Variants in PCNT observed in about 807,000 individuals in gnomAD.
PCNT encodes kendrin.
In PCNT, 319 loss-of-function variants were observed where a neutral mutation model predicts 380.4. That is an observed-to-expected ratio of 0.84 (90% CI 0.77 to 0.92). The LOEUF is 0.92. Ranked by LOEUF, PCNT falls within the 40% of genes least tolerant of loss-of-function variation. The pLI is 0.00. For synonymous variants in PCNT, 1,845 were observed against 1,735.2 expected (o/e 1.06, Z -1.57); for missense variants, 4,400 against 4,255.3 (o/e 1.03, Z -0.95).
chr21:46,325,187 C>CG, intron 1 of PCNT: 1 of 985,732 alleles, frequency 1.0e-6, no homozygotes, highest in Non-Finnish European at 1.2e-6. Context: ...GGCGGAACCG[C>CG]GGGAGCAGGC....
At chr21:46,346,671 T>G in intron 4 of PCNT, 72 bp from the exon 5 acceptor site, 2 of 1,518,602 alleles carry the variant, frequency 1.3e-6, no homozygotes, top group South Asian at 1.2e-5. Context: ...TTCTCATTCA[T>G]GCTTCTGTGT....
intron 16 of PCNT, among the ~76,000 whole-genome samples, chr21:46,382,844 T>G (rs2085625646): frequency 7.5e-6 from 1 of 133,590 alleles, no homozygotes. Context: ...TGTTGTGCGT[T>G]CAGTGGCGGA....
chr21:46,369,335 G>A (rs1432786900), intron 15 of PCNT, among the ~76,000 whole-genome samples: 1 of 152,234 alleles, frequency 6.6e-6, no homozygotes, highest in Non-Finnish European at 1.5e-5. Flanking sequence ...TGGCCTCCCA[G>A]GTAGTTGGAA....
At position 46,401,336 on chromosome 21, in the gene PCNT, C is replaced by T. The variant is rs11701999; in HGVS notation, c.4792-215C>T. Among the ~76,000 whole-genome samples the T allele has an allele frequency of 0.092, 13,958 of 152,174 alleles. 858 individuals are homozygous for T. The highest frequency in any genetic ancestry group is 0.3 in the East Asian group (1,537 of 5,142). ...CAGTGGACTCGGGCACAGGCTGTGG[C>T]TCTCAGTCACGTCCTGCACCAGGCA... On this transcript the variant is annotated intron_variant, in intron 25 of 46. Transcript: ENST00000359568.
At chr21:46,398,587 C>T (rs1366799357) in intron 24 of PCNT, among the ~76,000 whole-genome samples, 2 of 152,220 alleles carry the variant, frequency 1.3e-5, no homozygotes, top group South Asian at 2.1e-4. Context: ...CCCCCACGGA[C>T]CCTCGTGTAC....
chr21:46,351,874 G>T (rs1455882019), intron 9 of PCNT, among the ~76,000 whole-genome samples: 2 of 152,240 alleles, frequency 1.3e-5, no homozygotes, highest in African/African-American at 2.4e-5. Context: ...GTTGAGTGCT[G>T]TCCAAGTGCG....
At chr21:46,347,434 G>A (rs780305342) in intron 5 of PCNT, 23 bp from the exon 6 acceptor site, 6 of 1,613,998 alleles carry the variant, frequency 3.7e-6, no homozygotes, top group Admixed American at 1.7e-5. Context: ...AGTGGCCTGA[G>A]CTGCTTTTTG....
In PCNT at chr21:46,383,785, T is replaced by C. The variant is rs1346547280; in HGVS notation, c.3312+1945T>C. 8.8e-5 allele frequency among the ~76,000 whole-genome samples: 12 copies of C among 136,828 alleles called. 2 individuals are homozygous for C. The highest frequency in any genetic ancestry group is 8.0e-4 in the Admixed American group (11 of 13,668). 89.8% of individuals were successfully genotyped at this position (136,828 alleles called of 152,430 possible). A position where few individuals can be genotyped will look rare whatever the true frequency, so the allele number is the denominator to read the frequency against. On this transcript the variant is annotated intron_variant, in intron 16 of 46. Coordinates refer to ENST00000359568, the MANE Select transcript of PCNT (RefSeq NM_006031.6). ...CAGCGGAAGCGCATTCACGGTGTTG[T>C]GCGTTCAGTGGCAGAAGCGCATTCA...
chr21:46,411,676 C>T lies in PCNT; in HGVS notation c.5603C>T (p.Ala1868Val), dbSNP rs369038814. The T allele has an allele frequency of 1.6e-4, 253 of 1,612,978 alleles. 2 individuals carry two copies. The highest frequency in any genetic ancestry group is 1.2e-4 in the Non-Finnish European group (140 of 1,179,898). The part of the protein sequence containing the change: ...EFEAALKAKE[A>V]TIAERNLEID... ...GAAGCGGCCCTGAAAGCAAAGGAAGCGACGATTGCCGAGAGAAATTTAGAA... is the reference window on the plus strand; with the variant it reads ...GAAGCGGCCCTGAAAGCAAAGGAAGTGACGATTGCCGAGAGAAATTTAGAA... The change falls in exon 28 of 47, where the codon GCG becomes GTG. Residue 1868 changes from alanine (A) to valine (V), a missense_variant. By Grantham distance (64) the Ala-to-Val change is moderately conservative. Transcript: ENST00000359568.
At position 46,436,970 on chromosome 21, in the gene PCNT, T is replaced by C. The variant is rs529504851; in HGVS notation, c.8997-9T>C. ...GTATGCAACTTTGAGTGCCCATTTA[T>C]TTTTACAGGACAGTTAATGATTGGA... On this transcript the variant is annotated splice_polypyrimidine_tract_variant and intron_variant, in intron 39 of 46. Coordinates refer to ENST00000359568, the MANE Select transcript of PCNT (RefSeq NM_006031.6). The C allele has an allele frequency of 1.2e-5, 20 of 1,607,768 alleles. No individual in the cohort carries two copies. Among genetic ancestry groups the C allele is most frequent in the Admixed American group, 1.0e-4 (6 of 60,028 alleles).
At chr21:46,396,629 A>C (rs1158813018) in intron 21 of PCNT, among the ~76,000 whole-genome samples, 1 of 152,154 alleles carries the variant, frequency 6.6e-6, no homozygotes, top group Non-Finnish European at 1.5e-5. Context: ...TATTTGAAGG[A>C]GTCTCACTTT....
chr21:46,353,059 G>A (rs2084333811), intron 9 of PCNT, 45 bp from the exon 10 acceptor site: 2 of 1,509,768 alleles, frequency 1.3e-6, no homozygotes, highest in Non-Finnish European at 1.8e-6. Flanking sequence ...GGCTTGTTGT[G>A]GGTGTCCCAT....
intron 3 of PCNT, among the ~76,000 whole-genome samples, chr21:46,338,254 C>T (rs1374861459): frequency 2.0e-5 from 3 of 152,132 alleles, no homozygotes; most frequent in African/African-American, 4.8e-5. Context: ...CAGTTACCCT[C>T]GAGAACAACC....
chr21:46,409,510 A>G (rs2086718394), intron 27 of PCNT, among the ~76,000 whole-genome samples: 1 of 151,672 alleles, frequency 6.6e-6, no homozygotes, highest in Non-Finnish European at 1.5e-5. Flanking sequence ...TGAAGTTCTG[A>G]GAGCTCTTTC....
chr21:46,423,035 C>G (rs2087321685), intron 32 of PCNT, among the ~76,000 whole-genome samples: 1 of 152,218 alleles, frequency 6.6e-6, no homozygotes, highest in South Asian at 2.1e-4. Flanking sequence ...ATCGTTGGAG[C>G]CCAGGAGTTC....
rs749542536 is a variant in PCNT, at chr21:46,389,202, C to T, written c.3611C>T (p.Pro1204Leu). The T allele has an allele frequency of 1.8e-5, 29 of 1,613,768 alleles. No homozygotes were observed. Among genetic ancestry groups the T allele is most frequent in the Admixed American group, 3.3e-5 (2 of 59,996 alleles). Reference protein sequence around the residue: ...AGAGLALSTAPALEETWSDVA... With the variant: ...AGAGLALSTALALEETWSDVA... The stretch of plus-strand genomic sequence containing the variant: ...CCGGCATCTGCTCATCTTGTAGCTC[C>T]GGCGCTGGAGGAGACATGGTCTGAT... The change falls in exon 19 of 47, where the codon CCG becomes CTG. Residue 1204 changes from proline to leucine, a missense_variant. Transcript: ENST00000359568.
chr21:46,384,892 G>A (rs1211736459), intron 16 of PCNT, among the ~76,000 whole-genome samples: 2 of 152,346 alleles, frequency 1.3e-5, no homozygotes, highest in African/African-American at 2.4e-5. Flanking sequence ...GTTCAGTGGT[G>A]CAAGTGCATT....
intron 17 of PCNT, among the ~76,000 whole-genome samples, chr21:46,387,917 C>T (rs1192524753): frequency 6.6e-6 from 1 of 152,142 alleles, no homozygotes; most frequent in Non-Finnish European, 1.5e-5. Flanking sequence ...TGTGTAAAAA[C>T]AGAAGCATCC....
chr21:46,416,569 G>A lies in PCNT; in HGVS notation c.6651G>A (p.Gly2217=), dbSNP rs755119869. ...CTGGGCCCCGGAAGAGCCCGGTCGG[G>A]ATGCTGGACCTGTCTTCCTGGAGCT... is the stretch of plus-strand genomic sequence containing the variant. The part of the protein sequence containing the change: ...AEAGPRKSPV[G]MLDLSSWSSP... Residue 2217 remains glycine (G), a synonymous_variant, in exon 30 of 47, where the codon GGG becomes GGA. Coordinates refer to ENST00000359568, the MANE Select transcript of PCNT (RefSeq NM_006031.6). 3.2e-5 allele frequency: 52 copies of A among 1,611,372 alleles called. No homozygotes were observed. In the South Asian group the frequency reaches 4.2e-4, roughly 13 times the overall value.
Sources: allele counts gnomAD v4.1 joint callset (sites outside exome capture counted in the v4.1 genomes callset), GRCh38; gene constraint gnomAD v4.1.1; transcripts MANE v1.5; gene names NCBI Gene and HGNC (gene_info 2026-07-23, HGNC 2026-07-21).